Variants in PPHLN1 observed in about 807,000 individuals in gnomAD.
PPHLN1 encodes periphilin 1.
In PPHLN1, 29 loss-of-function variants were observed where a neutral mutation model predicts 51.3. That is an observed-to-expected ratio of 0.57 (90% CI 0.42 to 0.77). PPHLN1 has a LOEUF of 0.77. Among genes scored for constraint, PPHLN1 ranks in the 30% least tolerant of loss-of-function variants. PPHLN1 has a pLI of 0.00. For synonymous variants in PPHLN1, 147 were observed against 147.8 expected (o/e 0.99, Z 0.04); for missense variants, 436 against 438.4 (o/e 0.99, Z 0.05).
intron 2 of PPHLN1, chr12:42,343,972 G>T: frequency 5.4e-6 from 2 of 368,532 alleles, no homozygotes; most frequent in Non-Finnish European, 5.2e-6. Flanking sequence ...ATCAGAGTTA[G>T]GAAATTACAA....
intron 7 of PPHLN1, among the ~76,000 whole-genome samples, chr12:42,391,834 C>T (rs1255248830): frequency 6.6e-6 from 1 of 151,936 alleles, no homozygotes; most frequent in Non-Finnish European, 1.5e-5. Context: ...AGATATATTG[C>T]TATAATATTC....
At chr12:42,409,739 T>C (rs955815045) in intron 9 of PPHLN1, among the ~76,000 whole-genome samples, 3 of 152,154 alleles carry the variant, frequency 2.0e-5, no homozygotes, top group Non-Finnish European at 2.9e-5. Context: ...CCATTGTCTT[T>C]TGCTGTTAAA....
At chr12:42,430,677 C>T (rs985518754) in intron 9 of PPHLN1, among the ~76,000 whole-genome samples, 3 of 151,770 alleles carry the variant, frequency 2.0e-5, no homozygotes, top group East Asian at 3.9e-4. Context: ...TATTTTTAGT[C>T]GAGACGGGGT....
At chr12:42,380,687 G>T (rs2076684249) in intron 5 of PPHLN1, among the ~76,000 whole-genome samples, 2 of 152,074 alleles carry the variant, frequency 1.3e-5, no homozygotes, top group South Asian at 4.1e-4. Context: ...ATAAAATCTT[G>T]AAATTTAGTT....
intron 5 of PPHLN1, 22 bp from the exon 6 acceptor site, chr12:42,384,918 C>T (rs1203742768): frequency 4.4e-6 from 7 of 1,589,336 alleles, no homozygotes; most frequent in Middle Eastern, 1.7e-4. Context: ...CTGTTAATTC[C>T]TCCCTGCCCA....
intron 1 of PPHLN1, among the ~76,000 whole-genome samples, chr12:42,333,586 C>A (rs940629525): frequency 2.0e-5 from 3 of 151,880 alleles, no homozygotes; most frequent in Admixed American, 2.0e-4. Context: ...GGGTTCATGC[C>A]ATTCTCCTGC....
intron 4 of PPHLN1, among the ~76,000 whole-genome samples, chr12:42,364,092 C>T (rs1200132193): frequency 6.6e-6 from 1 of 151,964 alleles, no homozygotes; most frequent in East Asian, 1.9e-4. Context: ...GGCATGGTGG[C>T]ACGTGCCTGT....
chr12:42,445,425 A>T, downstream of PPHLN1: 1 of 334,574 alleles, frequency 3.0e-6, no homozygotes, highest in Non-Finnish European at 5.5e-6. Flanking sequence ...GTTATGGCAA[A>T]CAGATGTTAC....
At chr12:42,397,995 A>C (rs1263939316) in intron 8 of PPHLN1, among the ~76,000 whole-genome samples, 3 of 150,586 alleles carry the variant, frequency 2.0e-5, no homozygotes, top group Non-Finnish European at 4.4e-5. Context: ...TTTTTGGTAG[A>C]TCATACATGT....
At chr12:42,340,063 T>C (rs1445759747) in intron 2 of PPHLN1, among the ~76,000 whole-genome samples, 1 of 152,178 alleles carries the variant, frequency 6.6e-6, no homozygotes, top group Non-Finnish European at 1.5e-5. Context: ...TCTGAGCACT[T>C]TGGGAGTCCG....
intron 8 of PPHLN1, chr12:42,398,565 A>G: frequency 8.1e-6 from 2 of 245,540 alleles, no homozygotes; most frequent in Non-Finnish European, 1.6e-5. Flanking sequence ...TCGGCAGCAC[A>G]TGCACTAAAA....
intron 2 of PPHLN1, 27 bp from the exon 3 acceptor site, chr12:42,351,854 ATTTG>A (rs1434277792): frequency 2.6e-6 from 4 of 1,517,146 alleles, no homozygotes; most frequent in Non-Finnish European, 3.5e-6. Context: ...GAAATTAGTC[ATTTG>A]TATATATTTC....
At chr12:42,365,858 A>G (rs977637805) in intron 4 of PPHLN1, among the ~76,000 whole-genome samples, 1 of 152,094 alleles carries the variant, frequency 6.6e-6, no homozygotes, top group Non-Finnish European at 1.5e-5. Flanking sequence ...TTGTATTGTT[A>G]TTTATATTTC....
Position 42,375,031 on chromosome 12 carries a change from A to G in PPHLN1, c.468A>G (p.Pro156=). The G allele has an allele frequency of 6.2e-7, 1 of 1,613,842 alleles. No homozygotes were observed. Among genetic ancestry groups the G allele is most frequent in the Non-Finnish European group, 8.5e-7 (1 of 1,179,866 alleles). ...GTGTCAGTAGCAGAAGCTACTCTCCAGAAAGGAGCAAATCATACTCTTTCC... is the reference window on the plus strand; with the variant it reads ...GTGTCAGTAGCAGAAGCTACTCTCCGGAAAGGAGCAAATCATACTCTTTCC... ...GSSVSSRSYS[P]ERSKSYSFHQ... The change falls in exon 5 of 10, where the codon CCA becomes CCG. Residue 156 remains proline, a synonymous_variant. Coordinates refer to ENST00000358314, the MANE Select transcript of PPHLN1 (RefSeq NM_201439.2).
At chr12:42,345,321 A>T in intron 2 of PPHLN1, among the ~76,000 whole-genome samples, 1 of 152,080 alleles carries the variant, frequency 6.6e-6, no homozygotes, top group Non-Finnish European at 1.5e-5. Flanking sequence ...TGAAAGTTTA[A>T]ATTTCATTGA....
At chr12:42,424,511 A>C (rs2081261421) in intron 9 of PPHLN1, among the ~76,000 whole-genome samples, 1 of 152,174 alleles carries the variant, frequency 6.6e-6, no homozygotes, top group African/African-American at 2.4e-5. Context: ...TTTATTACTA[A>C]AACTCTTAAA....
chr12:42,366,359 T>C lies in PPHLN1; in HGVS notation c.300-8504T>C, dbSNP rs545750596. Among the ~76,000 whole-genome samples, 6 of 151,252 alleles carry C rather than the reference T, an allele frequency of 4.0e-5. No individual in the cohort carries two copies. In the South Asian group the frequency reaches 6.3e-4, roughly 16 times the overall value. ...TCTCTTGCCTCAGCCTCCTGAGTAG[T>C]TGGGATTACAGGCGTACGCCACCAT... On this transcript the variant is annotated intron_variant, in intron 4 of 9. Coordinates refer to ENST00000358314, the MANE Select transcript of PPHLN1 (RefSeq NM_201439.2).
intron 5 of PPHLN1, among the ~76,000 whole-genome samples, chr12:42,384,595 T>C (rs2077035997): frequency 6.6e-6 from 1 of 152,214 alleles, no homozygotes; most frequent in Non-Finnish European, 1.5e-5. Flanking sequence ...CTAGGTACTT[T>C]CAGTGATGAA....
intron 4 of PPHLN1, among the ~76,000 whole-genome samples, chr12:42,360,326 G>A (rs2074504895): frequency 6.6e-6 from 1 of 150,546 alleles, no homozygotes; most frequent in Non-Finnish European, 1.5e-5. Flanking sequence ...TTGGCAAGAT[G>A]AATACAGGGC....
Sources: gnomAD v4.1 joint callset for allele counts (sites outside exome capture counted in the v4.1 genomes callset) on GRCh38, gnomAD v4.1.1 for gene constraint, MANE v1.5 for transcripts, NCBI Gene and HGNC (gene_info 2026-07-23, HGNC 2026-07-21) for gene names.